The following NACC2 variants were observed in gnomAD, a reference collection of about 807,000 sequenced individuals.
NACC2 encodes the protein NACC family member 2.
NACC2 carries 8 observed loss-of-function variants against 25.1 expected under a neutral mutation model. That is an observed-to-expected ratio of 0.32 (90% confidence interval 0.19 to 0.57). NACC2 has a LOEUF of 0.57. Among genes scored for constraint, NACC2 ranks in the 20% least tolerant of loss-of-function variants. The pLI is 0.89. For synonymous variants in NACC2, 435 were observed against 294.7 expected (o/e 1.48, Z -4.88); for missense variants, 644 against 650.2 (o/e 0.99, Z 0.10).
chr9:136,035,676 C>T (rs1054224557), intron 2 of NACC2, among the ~76,000 whole-genome samples: 16 of 150,674 alleles, frequency 1.1e-4, no homozygotes, highest in Admixed American at 2.7e-4. Context: ...TTTTGCACAG[C>T]GTACTGTGAT....
Position 136,018,416 on chromosome 9 carries a change from A to G in NACC2, c.887-1987T>C, listed in dbSNP as rs1338823254. On this transcript the variant is annotated intron_variant, in intron 2 of 5. Coordinates refer to ENST00000277554, the MANE Select transcript of NACC2 (RefSeq NM_144653.5). The surrounding 1 kb of genome is among the most constrained non-coding windows in gnomAD (Gnocchi z 4.4). ...AAACCTTGGTTTCTGAGGACCCCACATCCTGAATCCACAGCGGGCGCCCCA... is the reference window on the plus strand; with the variant it reads ...AAACCTTGGTTTCTGAGGACCCCACGTCCTGAATCCACAGCGGGCGCCCCA... Among the ~76,000 whole-genome samples the G allele has an allele frequency of 1.3e-5, 2 of 151,982 alleles. No homozygotes were observed. The highest frequency in any genetic ancestry group is 1.3e-4 in the Admixed American group (2 of 15,258).
At chr9:136,043,314 T>C (rs1840673135) in intron 2 of NACC2, among the ~76,000 whole-genome samples, 1 of 152,194 alleles carries the variant, frequency 6.6e-6, no homozygotes, top group Non-Finnish European at 1.5e-5. Context: ...TACGTCACAA[T>C]AAAAGTTATA....
chr9:136,037,148 G>A (rs1225678217), intron 2 of NACC2, among the ~76,000 whole-genome samples: 1 of 152,136 alleles, frequency 6.6e-6, no homozygotes, highest in Admixed American at 6.5e-5. Context: ...AGATGAAGGT[G>A]ACAATAAATT....
At chr9:136,017,328 GGA>G (rs1350901652) in intron 2 of NACC2, among the ~76,000 whole-genome samples, 2 of 152,184 alleles carry the variant, frequency 1.3e-5, no homozygotes, top group Non-Finnish European at 2.9e-5. Flanking sequence ...TCCCTGGGCA[GGA>G]CTCTCTGCTG....
rs375628768 is a variant in NACC2 at position 136,008,960 on chromosome 9, A to C, written c.*2556T>G. 1 of 152,276 alleles carries C rather than the reference A, an allele frequency of 6.6e-6. No individual in the cohort carries two copies. Among genetic ancestry groups the C allele is most frequent in the African/African-American group, 2.4e-5 (1 of 41,462 alleles). The allele number at this position is 152,276 out of a possible 1,614,324, so 9.4% of individuals were successfully genotyped here. A position where few individuals can be genotyped will look rare whatever the true frequency, so the allele number is the denominator to read the frequency against. On this transcript the variant is annotated 3_prime_UTR_variant, in exon 6 of 6. Transcript: ENST00000277554. The stretch of plus-strand genomic sequence containing the variant: ...AGAACAAAACAGACGGCGATTACAA[A>C]CGAGTGAGGAAGGGGCACGGGACAT...
intron 1 of NACC2, among the ~76,000 whole-genome samples, chr9:136,066,973 G>A (rs1359615454): frequency 2.0e-5 from 3 of 151,932 alleles, no homozygotes; most frequent in Non-Finnish European, 4.4e-5. Flanking sequence ...AGATTTAGCT[G>A]GACGCAGTGG....
At chr9:136,059,902 A>G (rs1450240003) in intron 1 of NACC2, among the ~76,000 whole-genome samples, 1 of 152,086 alleles carries the variant, frequency 6.6e-6, no homozygotes, top group African/African-American at 2.4e-5. Context: ...TGCAGCCAAG[A>G]CCCACCCCGA....
chr9:136,045,222 C>T (rs1207880606), intron 2 of NACC2, among the ~76,000 whole-genome samples: 2 of 152,194 alleles, frequency 1.3e-5, no homozygotes, highest in Admixed American at 6.5e-5. Context: ...ACACAGGGGA[C>T]ACCGGGTGGA....
chr9:136,083,694 G>A (rs1033290651), intron 1 of NACC2, among the ~76,000 whole-genome samples: 1 of 152,260 alleles, frequency 6.6e-6, no homozygotes, highest in African/African-American at 2.4e-5. Flanking sequence ...GGGGCCCCGA[G>A]ACACTGTGGC....
At chr9:136,063,653 C>T (rs1419011141) in intron 1 of NACC2, among the ~76,000 whole-genome samples, 3 of 152,150 alleles carry the variant, frequency 2.0e-5, no homozygotes, top group Non-Finnish European at 4.4e-5. Flanking sequence ...GAGGCCAAGG[C>T]GGGTGGATCA....
At position 136,011,678 on chromosome 9, in the gene NACC2, C is replaced by T. The variant is rs1840109873; in HGVS notation, c.1602G>A (p.Gly534=). 2.1e-6 allele frequency: 3 copies of T among 1,450,642 alleles called. No homozygotes were observed. Among genetic ancestry groups the T allele is most frequent in the Non-Finnish European group, 2.7e-6 (3 of 1,105,172 alleles). The allele number at this position is 1,450,642 out of a possible 1,614,324, so 89.9% of individuals were successfully genotyped here. The part of the protein sequence containing the change: ...PAFDAGEEVD[G]AGSVIQEVAA... Reference sequence around the variant, plus strand: ...CCACCTCCTGGATGACCGAGCCAGCCCCGTCCACCTCCTCGCCGGCGTCGA... The same window carrying T: ...CCACCTCCTGGATGACCGAGCCAGCTCCGTCCACCTCCTCGCCGGCGTCGA... The change falls in exon 6 of 6, where the codon GGG becomes GGA. Residue 534 remains glycine, a synonymous_variant. Coordinates refer to ENST00000277554, the MANE Select transcript of NACC2 (RefSeq NM_144653.5).
At chr9:136,072,618 G>A (rs1330807943) in intron 1 of NACC2, among the ~76,000 whole-genome samples, 2 of 152,142 alleles carry the variant, frequency 1.3e-5, no homozygotes, top group Admixed American at 6.5e-5. Context: ...TTGGGATGCC[G>A]AGGCGGGCGG....
chr9:136,081,624 CT>C (rs1003329615), intron 1 of NACC2, among the ~76,000 whole-genome samples: 4 of 152,248 alleles, frequency 2.6e-5, no homozygotes, highest in African/African-American at 9.6e-5. Flanking sequence ...CGAAAGCACA[CT>C]TAAAGTGAGG....
At position 136,049,934 on chromosome 9, in the gene NACC2, C is replaced by A; in HGVS notation, c.588G>T (p.Gly196=). 1 of 579,206 alleles carries A rather than the reference C, an allele frequency of 1.7e-6. No homozygotes were observed. Among genetic ancestry groups the A allele is most frequent in the Non-Finnish European group, 3.1e-6 (1 of 327,076 alleles). The allele number at this position is 579,206 out of a possible 1,614,324, so 35.9% of individuals were successfully genotyped here. A position where few individuals can be genotyped will look rare whatever the true frequency, so the allele number is the denominator to read the frequency against. Residue 196 remains glycine (G), a synonymous_variant, in exon 2 of 6, where the codon GGG becomes GGT. Transcript: ENST00000277554. ...CGGCCACCGCCACGCCGTCCCGGGG[C>A]CCCGTCTCCAGCGGGCGCTTGGGGG... The part of the protein sequence containing the change: ...GLAPKRPLET[G]PRDGVAVAAG...
intron 2 of NACC2, among the ~76,000 whole-genome samples, chr9:136,024,019 G>A (rs921419549): frequency 2.0e-5 from 3 of 152,248 alleles, no homozygotes; most frequent in African/African-American, 7.2e-5. Flanking sequence ...TGTGCCAGCT[G>A]TGAGTTCCTC....
At chr9:136,051,910 AGATGGT>A (rs1268148514) in intron 1 of NACC2, among the ~76,000 whole-genome samples, 25 of 102,976 alleles carry the variant, frequency 2.4e-4, no homozygotes, top group South Asian at 8.9e-4. Flanking sequence ...GAGGAGGAGG[AGATGGT>A]GGAGGAGGAG....
chr9:136,059,714 C>T (rs1292812576), intron 1 of NACC2, among the ~76,000 whole-genome samples: 10 of 152,238 alleles, frequency 6.6e-5, no homozygotes, highest in South Asian at 2.1e-4. Flanking sequence ...ATGACAAGGA[C>T]GGGACAGCCT....
intron 1 of NACC2, among the ~76,000 whole-genome samples, chr9:136,059,281 C>T (rs76628624): frequency 0.026 from 4,022 of 152,302 alleles, 69 homozygotes; most frequent in Non-Finnish European, 0.04. Context: ...CACAGGGGCC[C>T]GCAGAGCTAA....
At chr9:136,066,445 CAA>C (rs1841081914) in intron 1 of NACC2, among the ~76,000 whole-genome samples, 1 of 152,088 alleles carries the variant, frequency 6.6e-6, no homozygotes. Flanking sequence ...ATCAAAACCA[CAA>C]AGAGATACCA....
Sources: gnomAD v4.1 joint callset for allele counts (sites outside exome capture counted in the v4.1 genomes callset) on GRCh38, gnomAD v4.1.1 for gene constraint, Gnocchi (gnomAD v3.1) non-coding constraint, MANE v1.5 for transcripts, NCBI Gene and HGNC (gene_info 2026-07-23, HGNC 2026-07-21) for gene names.